The following PCBP3 variants were observed in gnomAD, a reference collection of about 807,000 sequenced individuals.
PCBP3 encodes the protein poly(rC)-binding protein 3.
In PCBP3, 25 loss-of-function variants were observed where a neutral mutation model predicts 52.7. That is an observed-to-expected ratio of 0.47 (90% confidence interval 0.35 to 0.66). PCBP3 has a LOEUF of 0.66. PCBP3 is among the 30% of genes least tolerant of loss of function. The pLI is 0.01. For missense variants in PCBP3, 391 were observed against 490.3 expected (o/e 0.80, Z 1.91); for synonymous variants, 162 against 183.0 (o/e 0.89, Z 0.93).
At chr21:45,772,240 A>G (rs1341784291) in intron 4 of PCBP3, among the ~76,000 whole-genome samples, 2 of 151,906 alleles carry the variant, frequency 1.3e-5, no homozygotes, top group African/African-American at 4.8e-5. Context: ...CCTAGTCTCT[A>G]GTATTTATCT....
intron 2 of PCBP3, among the ~76,000 whole-genome samples, chr21:45,708,645 C>T (rs1423908483): frequency 6.6e-6 from 1 of 152,068 alleles, no homozygotes; most frequent in Non-Finnish European, 1.5e-5. Context: ...AGCTAGCAAC[C>T]GTAGCTTGCA....
intron 2 of PCBP3, among the ~76,000 whole-genome samples, chr21:45,703,588 G>A (rs1332238306): frequency 2.6e-5 from 4 of 152,150 alleles, no homozygotes; most frequent in South Asian, 4.1e-4. Context: ...CTTTTACTCC[G>A]TGGGAAATAG....
chr21:45,857,060 G>C (rs1035160582), intron 5 of PCBP3, among the ~76,000 whole-genome samples: 7 of 152,294 alleles, frequency 4.6e-5, no homozygotes, highest in Middle Eastern at 3.4e-3. Context: ...GATGACAAAT[G>C]CTTCCTGTTC....
Position 45,940,551 on chromosome 21 carries a change from T to C in PCBP3, c.1079+352T>C, listed in dbSNP as rs184572675. Among the ~76,000 whole-genome samples, 13 of 152,334 alleles carry C rather than the reference T, an allele frequency of 8.5e-5. 1 individual carries two copies. The East Asian group carries it at 2.3e-3, about 27-fold the overall frequency. ...CAGAGGTCTCCAGAAAGACCAATGT[T>C]TGGGGACTTTGCTGTTTTGCCTCCT... On this transcript the variant is annotated intron_variant, in intron 17 of 17. Transcript: ENST00000681687.
rs1325490278 is a variant in PCBP3, at chr21:45,880,726, A to G, written c.11-15482A>G. Among the ~76,000 whole-genome samples the G allele has an allele frequency of 6.6e-6, 1 of 152,090 alleles. No individual in the cohort carries two copies. The highest frequency in any genetic ancestry group is 2.4e-5 in the African/African-American group (1 of 41,402). ...GCAGGGCCAGGAGAGACGGGGTTGT[A>G]GGTACAGCCTGGTAGGCAATACCCT... On this transcript the variant is annotated intron_variant, in intron 5 of 17. Transcript: ENST00000681687. The surrounding 1 kb of genome is among the most constrained non-coding windows in gnomAD (Gnocchi z 5.4).
chr21:45,797,587 TG>T (rs2092004631), intron 4 of PCBP3, among the ~76,000 whole-genome samples: 1 of 1,488 alleles, frequency 6.7e-4, no homozygotes, highest in African/African-American at 3.0e-3. Context: ...ATTGTGTGCA[TG>T]GATGGATGAA....
intron 6 of PCBP3, 158 bp downstream of exon 6, chr21:45,896,520 A>G (rs1402543087): frequency 6.3e-6 from 4 of 639,124 alleles, no homozygotes; most frequent in African/African-American, 4.1e-5. Flanking sequence ...AAAGGCAGAC[A>G]TGGCACATAG....
intron 5 of PCBP3, among the ~76,000 whole-genome samples, chr21:45,856,121 T>C (rs2094285474): frequency 6.6e-6 from 1 of 152,230 alleles, no homozygotes; most frequent in Non-Finnish European, 1.5e-5. Flanking sequence ...AAAGAACCTG[T>C]ATTAACATAA....
intron 5 of PCBP3, among the ~76,000 whole-genome samples, chr21:45,884,194 C>A (rs889506746): frequency 1.3e-5 from 2 of 152,118 alleles, no homozygotes; most frequent in African/African-American, 2.4e-5. Context: ...CCTTGACCGC[C>A]CAAAGTGCTG....
intron 1 of PCBP3, among the ~76,000 whole-genome samples, chr21:45,660,275 T>C (rs1442813809): frequency 2.0e-5 from 3 of 152,156 alleles, no homozygotes; most frequent in Admixed American, 6.5e-5. Flanking sequence ...TTTCTGATGT[T>C]AATATAGCCA....
At chr21:45,890,947 T>A (rs1467402479) in intron 5 of PCBP3, among the ~76,000 whole-genome samples, 1 of 151,316 alleles carries the variant, frequency 6.6e-6, no homozygotes, top group African/African-American at 2.4e-5. Context: ...CTGAGGGGAA[T>A]GTAGATAATA....
chr21:45,730,801 A>G (rs935151638), intron 2 of PCBP3, among the ~76,000 whole-genome samples: 7 of 152,136 alleles, frequency 4.6e-5, no homozygotes, highest in African/African-American at 1.4e-4. Context: ...TGGTAATATT[A>G]TGTACCCTGA....
chr21:45,716,933 A>T (rs1466041156), intron 2 of PCBP3, among the ~76,000 whole-genome samples: 1 of 152,178 alleles, frequency 6.6e-6, no homozygotes, highest in African/African-American at 2.4e-5. Context: ...ATTGCATTGA[A>T]TTTGTAGATT....
chr21:45,686,603 G>A (rs1289348728), intron 2 of PCBP3, among the ~76,000 whole-genome samples: 1 of 152,102 alleles, frequency 6.6e-6, no homozygotes, highest in African/African-American at 2.4e-5. Flanking sequence ...GACCCTGAAA[G>A]GTAGAGATGA....
intron 3 of PCBP3, among the ~76,000 whole-genome samples, chr21:45,742,226 A>C (rs1357917803): frequency 6.6e-6 from 1 of 152,204 alleles, no homozygotes; most frequent in Non-Finnish European, 1.5e-5. Flanking sequence ...TTCCTGGGTC[A>C]GAGGACATGG....
rs2073755175 is a variant in PCBP3, at chr21:45,917,844, A to T, written c.717+215A>T. 1.7e-6 allele frequency: 1 copy of T among 590,022 alleles called. No homozygotes were observed. The highest frequency in any genetic ancestry group is 1.8e-5 in the South Asian group (1 of 55,380). The allele number at this position is 590,022 out of a possible 1,614,324, so 36.5% of individuals were successfully genotyped here. On this transcript the variant is annotated intron_variant, in intron 13 of 17. Coordinates refer to ENST00000681687, the MANE Select transcript of PCBP3 (RefSeq NM_001384156.1). The surrounding 1 kb of genome is among the most constrained non-coding windows in gnomAD (Gnocchi z 5.3). Reference sequence around the variant, plus strand: ...GTGTTGAGGACTTGGCCTGATGTCAAATTGTCTCAATTCTGCCGCAGTCCT... The same window carrying T: ...GTGTTGAGGACTTGGCCTGATGTCATATTGTCTCAATTCTGCCGCAGTCCT...
chr21:45,896,229 C>T lies in PCBP3; in HGVS notation c.32C>T (p.Ser11Phe). The change falls in exon 6 of 18, where the codon TCT (serine) becomes TTT (phenylalanine). Residue 11 changes from serine (S) to phenylalanine (F), a missense_variant. By Grantham distance (155) the Ser-to-Phe change is radical. Transcript: ENST00000681687. ...CCAGGTGACGCCTTCTGGGCCCCAT[C>T]TGTCCTTCCTCACAGCACCCTCAGC... MGEGDAFWAP[S>F]VLPHSTLSTL... 1 of 1,552,048 alleles carries T rather than the reference C, an allele frequency of 6.4e-7. No individual in the cohort carries two copies. The highest frequency in any genetic ancestry group is 8.7e-7 in the Non-Finnish European group (1 of 1,147,112).
intron 4 of PCBP3, among the ~76,000 whole-genome samples, chr21:45,771,381 A>G (rs1055198300): frequency 3.3e-5 from 5 of 152,238 alleles, no homozygotes; most frequent in African/African-American, 1.2e-4. Context: ...GGTTGACCAG[A>G]CATTTAGCAT....
At position 45,735,172 on chromosome 21, in the gene PCBP3, G is replaced by A. The variant is rs528862359; in HGVS notation, c.-199-220G>A. On this transcript the variant is annotated intron_variant, in intron 2 of 17. Coordinates refer to ENST00000681687, the MANE Select transcript of PCBP3 (RefSeq NM_001384156.1). The surrounding 1 kb of genome is among the most constrained non-coding windows in gnomAD (Gnocchi z 4.0). Reference sequence around the variant, plus strand: ...CTGAGTCTTTATCAGTGTCGTGTATGTTCCAGACTCAGTTTAGAATTGAAT... The same window carrying A: ...CTGAGTCTTTATCAGTGTCGTGTATATTCCAGACTCAGTTTAGAATTGAAT... Among the ~76,000 whole-genome samples, 2 of 152,320 alleles carry A rather than the reference G, an allele frequency of 1.3e-5. No homozygotes were observed. Among genetic ancestry groups the A allele is most frequent in the South Asian group, 2.1e-4 (1 of 4,824 alleles).
Sources: gnomAD v4.1 joint callset for allele counts (sites outside exome capture counted in the v4.1 genomes callset) on GRCh38, gnomAD v4.1.1 for gene constraint, Gnocchi (gnomAD v3.1) non-coding constraint, MANE v1.5 for transcripts, NCBI Gene and HGNC (gene_info 2026-07-23, HGNC 2026-07-21) for gene names.